RAPGEF4: variants seen among roughly 807,000 people sequenced by gnomAD.
RAPGEF4 encodes RAP guanine-nucleotide-exchange factor (GEF) 4.
In RAPGEF4, 66 loss-of-function variants were observed where a neutral mutation model predicts 147.9. That is an observed-to-expected ratio of 0.45 (90% CI 0.37 to 0.55). The LOEUF (loss-of-function observed/expected upper bound fraction) is 0.55. Among genes scored for constraint, RAPGEF4 ranks in the 20% least tolerant of loss-of-function variants. The probability of loss-of-function intolerance (pLI) is 0.00; values close to 1 mark genes in which losing one functional copy is unlikely to be tolerated. For synonymous variants in RAPGEF4, 419 were observed against 442.7 expected (o/e 0.95, Z 0.67); for missense variants, 1,071 against 1,257.3 (o/e 0.85, Z 2.24).
Position 172,990,934 on chromosome 2 carries a change from G to A in RAPGEF4, c.1490+9G>A, listed in dbSNP as rs781125848. The A allele has an allele frequency of 6.3e-7, 1 of 1,578,010 alleles. No homozygotes were observed. Among genetic ancestry groups the A allele is most frequent in the Non-Finnish European group, 8.7e-7 (1 of 1,147,904 alleles). ...TCACAGCCTCAGCAAAAGTATGTTTGCATCCAACACTGTAATTGCCAGACT... is the reference window on the plus strand; with the variant it reads ...TCACAGCCTCAGCAAAAGTATGTTTACATCCAACACTGTAATTGCCAGACT... On this transcript the variant is annotated intron_variant, in intron 15 of 30. Coordinates refer to ENST00000397081, the MANE Select transcript of RAPGEF4 (RefSeq NM_007023.4).
intron 1 of RAPGEF4, among the ~76,000 whole-genome samples, chr2:172,790,553 T>A (rs1208296860): frequency 6.6e-6 from 1 of 152,166 alleles, no homozygotes; most frequent in East Asian, 1.9e-4. Flanking sequence ...TTTGATATAC[T>A]GCAAGAACTT....
At chr2:172,918,460 G>C (rs888031914) in intron 5 of RAPGEF4, among the ~76,000 whole-genome samples, 1 of 150,958 alleles carries the variant, frequency 6.6e-6, no homozygotes, top group Non-Finnish European at 1.5e-5. Flanking sequence ...AACTGGAGTA[G>C]TCATTTCACT....
intron 1 of RAPGEF4, among the ~76,000 whole-genome samples, chr2:172,785,094 G>A (rs964832382): frequency 6.6e-6 from 1 of 152,138 alleles, no homozygotes; most frequent in Non-Finnish European, 1.5e-5. Context: ...CAAAATGCTG[G>A]GATTACAGGC....
At chr2:172,815,618 C>A (rs546297027) in intron 4 of RAPGEF4, among the ~76,000 whole-genome samples, 1 of 152,222 alleles carries the variant, frequency 6.6e-6, no homozygotes, top group African/African-American at 2.4e-5. Context: ...TTGGATCTTT[C>A]ATTTTAAAAG....
At chr2:172,800,117 T>C (rs1686821202) in intron 3 of RAPGEF4, among the ~76,000 whole-genome samples, 1 of 152,222 alleles carries the variant, frequency 6.6e-6, no homozygotes, top group South Asian at 2.1e-4. Context: ...TTTTAGTTGT[T>C]AGGAATGAGT....
At chr2:172,768,176 A>G (rs1124747) in intron 1 of RAPGEF4, among the ~76,000 whole-genome samples, 1,641 of 152,268 alleles carry the variant, frequency 0.011, 16 homozygotes, top group South Asian at 0.035. Flanking sequence ...GCTTGTGCAG[A>G]CAGTTCCCAA....
At chr2:172,994,086 G>A (rs1388318849) in intron 15 of RAPGEF4, among the ~76,000 whole-genome samples, 2 of 152,124 alleles carry the variant, frequency 1.3e-5, no homozygotes, top group African/African-American at 2.4e-5. Context: ...TTGACAAGGG[G>A]ACACATTTTA....
intron 3 of RAPGEF4, among the ~76,000 whole-genome samples, chr2:172,805,033 G>A (rs1687348266): frequency 6.6e-6 from 1 of 152,196 alleles, no homozygotes; most frequent in Non-Finnish European, 1.5e-5. Context: ...TCTTCTCTGG[G>A]CCCAGGAAGC....
chr2:172,829,123 G>A (rs1427027507), intron 4 of RAPGEF4, among the ~76,000 whole-genome samples: 3 of 152,192 alleles, frequency 2.0e-5, no homozygotes, highest in African/African-American at 7.2e-5. Flanking sequence ...AGAGGCCCTG[G>A]AGCAAGAGGC....
chr2:172,967,516 G>A, intron 10 of RAPGEF4, 72 bp downstream of exon 10: 1 of 1,464,516 alleles, frequency 6.8e-7, no homozygotes, highest in Non-Finnish European at 9.1e-7. Context: ...CATGAGGAGA[G>A]ACACAAGGCT....
At chr2:172,986,416 G>T (rs1052340460) in intron 12 of RAPGEF4, among the ~76,000 whole-genome samples, 4 of 152,198 alleles carry the variant, frequency 2.6e-5, no homozygotes, top group East Asian at 1.9e-4. Context: ...TGTAAATGTG[G>T]TTTTTTTACT....
chr2:172,883,963 G>T (rs1397347134), intron 4 of RAPGEF4, among the ~76,000 whole-genome samples: 1 of 152,148 alleles, frequency 6.6e-6, no homozygotes, highest in Admixed American at 6.5e-5. Flanking sequence ...TATATCTACG[G>T]TCAGTGAAAT....
chr2:172,890,586 G>A (rs1299720795), intron 4 of RAPGEF4, among the ~76,000 whole-genome samples: 1 of 152,190 alleles, frequency 6.6e-6, no homozygotes, highest in Non-Finnish European at 1.5e-5. Context: ...TAATCAACCA[G>A]GTTACGTTTC....
At chr2:172,774,651 T>G (rs572830501) in intron 1 of RAPGEF4, among the ~76,000 whole-genome samples, 2 of 152,234 alleles carry the variant, frequency 1.3e-5, no homozygotes, top group African/African-American at 4.8e-5. Flanking sequence ...TTATCTCATA[T>G]AGCTCTGAAC....
intron 4 of RAPGEF4, among the ~76,000 whole-genome samples, chr2:172,881,370 CT>C (rs1253511185): frequency 6.6e-6 from 1 of 152,168 alleles, no homozygotes; most frequent in Non-Finnish European, 1.5e-5. Flanking sequence ...AAGGCGAATG[CT>C]TTTTATAATT....
chr2:172,847,286 T>C (rs773940853), intron 4 of RAPGEF4, among the ~76,000 whole-genome samples: 19 of 152,164 alleles, frequency 1.2e-4, no homozygotes, highest in South Asian at 2.1e-4. Flanking sequence ...GTCACAAATA[T>C]CTTAATAGTG....
At chr2:173,023,342 G>C (rs1696302537) in intron 23 of RAPGEF4, among the ~76,000 whole-genome samples, 1 of 152,206 alleles carries the variant, frequency 6.6e-6, no homozygotes, top group African/African-American at 2.4e-5. Flanking sequence ...TTCTGTGTCT[G>C]TGGGTAAGCA....
rs1173530611 is a variant in RAPGEF4, at chr2:172,913,654, A to AT, written c.445-4140dup. On this transcript the variant is annotated intron_variant, in intron 4 of 30. Transcript: ENST00000397081. ...ATTTTCTCTAACTCCTTCCTTTAAA[A>AT]TTTTTTTTGTTTTGATTGTTTGTAT... Among the ~76,000 whole-genome samples, 19 of 151,742 alleles carry AT rather than the reference A, an allele frequency of 1.3e-4. No individual in the cohort carries two copies. In the South Asian group the frequency reaches 1.9e-3, roughly 15 times the overall value.
At chr2:172,981,934 T>G (rs1467676992) in intron 10 of RAPGEF4, among the ~76,000 whole-genome samples, 1 of 152,276 alleles carries the variant, frequency 6.6e-6, no homozygotes. Flanking sequence ...TAACTGCTTC[T>G]GCAAAGGTCT....
Sources: gnomAD v4.1 joint callset for allele counts (sites outside exome capture counted in the v4.1 genomes callset) on GRCh38, gnomAD v4.1.1 for gene constraint, MANE v1.5 for transcripts, NCBI Gene and HGNC (gene_info 2026-07-23, HGNC 2026-07-21) for gene names.